Variants in TBC1D1 observed in about 807,000 individuals in gnomAD.
TBC1D1 encodes TBC1 domain family member 1, also known as TBC1 (tre-2/USP6, BUB2, cdc16) domain family, member 1.
A neutral mutation model predicts 125.6 loss-of-function variants in TBC1D1; 89 were observed. That is an observed-to-expected ratio of 0.71 (90% CI 0.60 to 0.85). The LOEUF (loss-of-function observed/expected upper bound fraction) is 0.85, where lower values mean the gene tolerates loss of function less well. Ranked by LOEUF, TBC1D1 falls within the 40% of genes least tolerant of loss-of-function variation. TBC1D1 has a pLI of 0.00. For synonymous variants in TBC1D1, 565 were observed against 564.1 expected, an observed-to-expected ratio of 1.00 and a Z score of -0.02; for missense variants, 1,377 against 1,469.2, an observed-to-expected ratio of 0.94 and a Z score of 1.03.
intron 12 of TBC1D1, among the ~76,000 whole-genome samples, chr4:38,059,882 C>T (rs982166422): frequency 3.3e-5 from 5 of 152,124 alleles, no homozygotes; most frequent in Admixed American, 6.6e-5. Flanking sequence ...TGCTCCCTGC[C>T]GCCCCCCAAC....
chr4:38,116,019 G>A lies in TBC1D1; in HGVS notation c.2802+65G>A. On this transcript the variant is annotated intron_variant, in intron 16 of 19. Coordinates refer to ENST00000261439, the MANE Select transcript of TBC1D1 (RefSeq NM_015173.4). ...TAAGAATGTTTCTTATCCCTCTCCA[G>A]ATGTGCCTCAGGAGCTTTTTCACCG... The A allele has an allele frequency of 5.1e-6, 8 of 1,567,570 alleles. No homozygotes were observed. In the South Asian group the frequency reaches 7.1e-5, roughly 14 times the overall value.
intron 12 of TBC1D1, among the ~76,000 whole-genome samples, chr4:38,061,348 A>G (rs924633612): frequency 6.6e-6 from 1 of 152,226 alleles, no homozygotes; most frequent in African/African-American, 2.4e-5. Flanking sequence ...CATAATCTCC[A>G]TAATTTTCTC....
chr4:38,027,646 A>AG (rs767451490), intron 6 of TBC1D1, 142 bp from the exon 7 acceptor site: 465 of 509,150 alleles, frequency 9.1e-4, no homozygotes, highest in Non-Finnish European at 1.4e-3. Context: ...AAAAAAAAAA[A>AG]TAAAATATTT....
At chr4:38,136,252 T>G (rs1766588905) in intron 19 of TBC1D1, among the ~76,000 whole-genome samples, 1 of 152,208 alleles carries the variant, frequency 6.6e-6, no homozygotes. Flanking sequence ...TCTATTTAAC[T>G]AGCATTAATT....
At chr4:38,083,801 A>G (rs907776600) in intron 12 of TBC1D1, among the ~76,000 whole-genome samples, 3 of 152,068 alleles carry the variant, frequency 2.0e-5, no homozygotes, top group Admixed American at 6.6e-5. Context: ...CTTCCAGAAC[A>G]CTTTCTTTGT....
chr4:38,026,519 A>G (rs772476115), intron 6 of TBC1D1, among the ~76,000 whole-genome samples: 1 of 152,252 alleles, frequency 6.6e-6, no homozygotes, highest in Non-Finnish European at 1.5e-5. Context: ...TGCCTCGCAC[A>G]CTGTTCTCCA....
At chr4:38,085,172 A>T (rs778674710) in intron 12 of TBC1D1, among the ~76,000 whole-genome samples, 7 of 152,344 alleles carry the variant, frequency 4.6e-5, no homozygotes, top group African/African-American at 1.7e-4. Flanking sequence ...CATCTAAAAT[A>T]TCGACATACC....
At position 38,129,557 on chromosome 4, in the gene TBC1D1, T is replaced by A. The variant is rs139555261; in HGVS notation, c.3133-3527T>A. ...CCGACTGTTCCCACTCTCCAGCCCT[T>A]GGTATGACAATGGGACCAGCAGATT... On this transcript the variant is annotated intron_variant, in intron 18 of 19. Coordinates refer to ENST00000261439, the MANE Select transcript of TBC1D1 (RefSeq NM_015173.4). Among the ~76,000 whole-genome samples, 747 of 152,232 alleles carry A rather than the reference T, an allele frequency of 4.9e-3. 3 individuals are homozygous for A. Among genetic ancestry groups the A allele is most frequent in the Non-Finnish European group, 8.7e-3 (595 of 68,012 alleles).
chr4:37,929,904 A>T (rs1023671683), intron 2 of TBC1D1, among the ~76,000 whole-genome samples: 1 of 152,188 alleles, frequency 6.6e-6, no homozygotes, highest in Non-Finnish European at 1.5e-5. Context: ...ATGGGAAAAT[A>T]CAAAAAAGGC....
chr4:37,913,386 G>A (rs1719013891), intron 2 of TBC1D1, among the ~76,000 whole-genome samples: 1 of 152,108 alleles, frequency 6.6e-6, no homozygotes, highest in Non-Finnish European at 1.5e-5. Flanking sequence ...ATCACCTGAG[G>A]TCGGGAGTTC....
intron 15 of TBC1D1, chr4:38,110,743 T>A: frequency 1.0e-6 from 1 of 985,492 alleles, no homozygotes; most frequent in Non-Finnish European, 1.2e-6. Flanking sequence ...TGGTAAGTTG[T>A]AAAATGCAGT....
At chr4:38,064,370 C>G (rs1753309931) in intron 12 of TBC1D1, among the ~76,000 whole-genome samples, 1 of 152,326 alleles carries the variant, frequency 6.6e-6, no homozygotes, top group South Asian at 2.1e-4. Flanking sequence ...ACCTGTGATT[C>G]TACCCACGGG....
intron 14 of TBC1D1, among the ~76,000 whole-genome samples, chr4:38,096,566 G>A (rs1759375258): frequency 6.6e-6 from 1 of 152,182 alleles, no homozygotes; most frequent in Non-Finnish European, 1.5e-5. Context: ...AGTGTAAGAT[G>A]TGGGTGCTGA....
At chr4:38,008,169 T>C (rs1424676387) in intron 2 of TBC1D1, among the ~76,000 whole-genome samples, 1 of 152,258 alleles carries the variant, frequency 6.6e-6, no homozygotes, top group Non-Finnish European at 1.5e-5. Flanking sequence ...CCATGAAGTC[T>C]ATCTATATTT....
intron 2 of TBC1D1, among the ~76,000 whole-genome samples, chr4:37,908,807 G>A (rs1560464498): frequency 6.6e-6 from 1 of 152,164 alleles, no homozygotes; most frequent in Non-Finnish European, 1.5e-5. Context: ...GGAACAGTGC[G>A]ATACAGGAGC....
intron 2 of TBC1D1, among the ~76,000 whole-genome samples, chr4:38,009,944 C>A (rs16994140): frequency 1.3e-5 from 2 of 151,966 alleles, no homozygotes; most frequent in Non-Finnish European, 2.9e-5. Flanking sequence ...TGATTTACTT[C>A]GTCTGCAAAC....
chr4:38,027,545 C>T (rs1745297994), intron 6 of TBC1D1, among the ~76,000 whole-genome samples: 2 of 152,046 alleles, frequency 1.3e-5, no homozygotes, highest in Admixed American at 1.3e-4. Context: ...GGGAGGATTG[C>T]TTGACCCTGG....
rs187400402 is a variant in TBC1D1, at chr4:38,100,662, G to A, written c.2399-2337G>A. On this transcript the variant is annotated intron_variant, in intron 14 of 19. Transcript: ENST00000261439. ...CTGAGATAAAATTACAGAAGGTATA[G>A]GATGTGGTCATGGTTTACAGGGGCC... is the stretch of plus-strand genomic sequence containing the variant. Among the ~76,000 whole-genome samples, 82 of 152,254 alleles carry A rather than the reference G, an allele frequency of 5.4e-4. 1 individual carries two copies. The highest frequency in any genetic ancestry group is 1.9e-3 in the African/African-American group (80 of 41,546).
intron 17 of TBC1D1, among the ~76,000 whole-genome samples, chr4:38,122,034 C>T (rs1259527652): frequency 6.6e-6 from 1 of 152,178 alleles, no homozygotes; most frequent in Admixed American, 6.5e-5. Flanking sequence ...GATTTAAGAC[C>T]CCCTGTGTCT....
Sources: allele counts gnomAD v4.1 joint callset (sites outside exome capture counted in the v4.1 genomes callset), GRCh38; gene constraint gnomAD v4.1.1; transcripts MANE v1.5; gene names NCBI Gene and HGNC (gene_info 2026-07-23, HGNC 2026-07-21).